The following NEDD4L variants were observed in gnomAD, a reference collection of about 807,000 sequenced individuals.
NEDD4L encodes the protein NEDD4 like E3 ubiquitin protein ligase.
A neutral mutation model predicts 148.9 loss-of-function variants in NEDD4L; 54 were observed. That is an observed-to-expected ratio of 0.36 (90% CI 0.29 to 0.45). The LOEUF is 0.45. NEDD4L is among the 20% of genes least tolerant of loss of function. The pLI, the probability that NEDD4L is intolerant of heterozygous loss-of-function variation, is 1.00. For synonymous variants in NEDD4L, 433 were observed against 440.7 expected (o/e 0.98, Z 0.22); for missense variants, 856 against 1,233.8 (o/e 0.69, Z 4.59).
At chr18:58,171,520 C>G (rs1048831702) in intron 2 of NEDD4L, among the ~76,000 whole-genome samples, 1 of 152,186 alleles carries the variant, frequency 6.6e-6, no homozygotes, top group Non-Finnish European at 1.5e-5. Flanking sequence ...CCTCCTCCTA[C>G]GGCCCCTTGT....
intron 2 of NEDD4L, among the ~76,000 whole-genome samples, chr18:58,198,295 G>C (rs1258435752): frequency 6.6e-6 from 1 of 152,194 alleles, no homozygotes; most frequent in Non-Finnish European, 1.5e-5. Flanking sequence ...CAGCCTATCA[G>C]ATTTCCCTTG....
chr18:58,334,111 G>GT, intron 12 of NEDD4L: 1 of 453,564 alleles, frequency 2.2e-6, no homozygotes, highest in Non-Finnish European at 3.9e-6. Context: ...CATTGCTTTA[G>GT]TTTTTCACCC....
chr18:58,357,344 G>T, intron 19 of NEDD4L, 92 bp downstream of exon 19: 2 of 1,106,898 alleles, frequency 1.8e-6, no homozygotes, highest in Non-Finnish European at 2.8e-6. Flanking sequence ...TGATGTCAAG[G>T]GACAACGGTG....
intron 5 of NEDD4L, among the ~76,000 whole-genome samples, chr18:58,309,521 G>A (rs2057431797): frequency 6.6e-6 from 1 of 152,116 alleles, no homozygotes. Context: ...GTGAGGATGT[G>A]CGGGGAGAGA....
intron 5 of NEDD4L, among the ~76,000 whole-genome samples, chr18:58,253,272 G>A (rs2148523643): frequency 6.6e-6 from 1 of 152,320 alleles, no homozygotes; most frequent in African/African-American, 2.4e-5. Flanking sequence ...CAGTGGAGGT[G>A]CCAGGGTCTG....
At chr18:58,386,671 G>A (rs2049067204) in intron 26 of NEDD4L, among the ~76,000 whole-genome samples, 2 of 152,144 alleles carry the variant, frequency 1.3e-5, no homozygotes, top group Admixed American at 1.3e-4. Flanking sequence ...GATCACACAG[G>A]AAACAGCCTC....
intron 3 of NEDD4L, among the ~76,000 whole-genome samples, chr18:58,246,395 A>G (rs1600190441): frequency 6.6e-6 from 1 of 152,246 alleles, no homozygotes; most frequent in Admixed American, 6.5e-5. Flanking sequence ...GTATGTATAT[A>G]TCTTATTTTC....
intron 1 of NEDD4L, among the ~76,000 whole-genome samples, chr18:58,102,613 A>G (rs2084824585): frequency 6.6e-6 from 1 of 152,226 alleles, no homozygotes. Flanking sequence ...GATATTCAGA[A>G]ATTTAGAAAA....
chr18:58,085,290 C>CAGG (rs140805569), intron 1 of NEDD4L, among the ~76,000 whole-genome samples: 3,255 of 152,206 alleles, frequency 0.021, 102 homozygotes, highest in African/African-American at 0.074. Flanking sequence ...TGTGACGCAG[C>CAGG]AGGTGTGCAC....
chr18:58,159,554 A>T (rs2035940468), intron 1 of NEDD4L, among the ~76,000 whole-genome samples: 1 of 152,150 alleles, frequency 6.6e-6, no homozygotes, highest in African/African-American at 2.4e-5. Flanking sequence ...CTCTAAAAAG[A>T]GTAGTCTTAA....
At chr18:58,289,380 A>C (rs1213531875) in intron 5 of NEDD4L, among the ~76,000 whole-genome samples, 5 of 152,216 alleles carry the variant, frequency 3.3e-5, no homozygotes, top group Non-Finnish European at 7.3e-5. Context: ...GCCTTGGAGT[A>C]TATGGCCTAT....
At chr18:58,352,699 TCACA>T (rs2044066566) in intron 18 of NEDD4L, among the ~76,000 whole-genome samples, 1 of 152,204 alleles carries the variant, frequency 6.6e-6, no homozygotes, top group Admixed American at 6.5e-5. Context: ...TTTTTATACA[TCACA>T]ATCACAGTTT....
chr18:58,289,795 T>A (rs770281372), intron 5 of NEDD4L, among the ~76,000 whole-genome samples: 8 of 152,208 alleles, frequency 5.3e-5, no homozygotes, highest in Non-Finnish European at 1.2e-4. Flanking sequence ...AGTTATAAAA[T>A]CCCTTGAAAT....
intron 5 of NEDD4L, among the ~76,000 whole-genome samples, chr18:58,308,486 T>G (rs1306795469): frequency 6.6e-6 from 1 of 152,254 alleles, no homozygotes; most frequent in Non-Finnish European, 1.5e-5. Context: ...AAGCTCTGGC[T>G]TCTTCCCTCC....
intron 2 of NEDD4L, among the ~76,000 whole-genome samples, chr18:58,173,042 A>G (rs928624070): frequency 3.3e-4 from 50 of 152,346 alleles, no homozygotes; most frequent in African/African-American, 1.1e-3. Flanking sequence ...TAGAATAGGT[A>G]TATTTTGCTA....
intron 10 of NEDD4L, among the ~76,000 whole-genome samples, chr18:58,329,658 ATTTT>A (rs1034872422): frequency 1.5e-5 from 2 of 135,570 alleles, no homozygotes; most frequent in Non-Finnish European, 3.2e-5. Flanking sequence ...ACAATGGCTA[ATTTT>A]TTTTTTTTTT....
intron 5 of NEDD4L, among the ~76,000 whole-genome samples, chr18:58,258,333 G>GACC (rs1455320177): frequency 3.3e-5 from 5 of 152,144 alleles, no homozygotes; most frequent in Non-Finnish European, 2.9e-5. Context: ...GCTGAACTTG[G>GACC]ACCACTTACC....
Position 58,276,695 on chromosome 18 carries a change from T to C in NEDD4L, c.297+24641T>C, listed in dbSNP as rs570011819. Among the ~76,000 whole-genome samples, 5 of 83,122 alleles carry C rather than the reference T, an allele frequency of 6.0e-5. No individual in the cohort carries two copies. The East Asian group carries it at 1.1e-3, about 18-fold the overall frequency. 54.5% of individuals were successfully genotyped at this position (83,122 alleles called of 152,430 possible). ...TGGTCAGCTATAATAATAATAATAA[T>C]ATTATTATTATTATTATTAATAAAA... On this transcript the variant is annotated intron_variant, in intron 5 of 30. Coordinates refer to ENST00000400345, the MANE Select transcript of NEDD4L (RefSeq NM_001144967.3).
intron 5 of NEDD4L, among the ~76,000 whole-genome samples, chr18:58,299,590 A>C (rs996739562): frequency 6.6e-6 from 1 of 152,192 alleles, no homozygotes; most frequent in Non-Finnish European, 1.5e-5. Flanking sequence ...GTTATCTTCT[A>C]TGGATGGGTA....
Sources: allele counts gnomAD v4.1 joint callset (sites outside exome capture counted in the v4.1 genomes callset), GRCh38; gene constraint gnomAD v4.1.1; transcripts MANE v1.5; gene names NCBI Gene and HGNC (gene_info 2026-07-23, HGNC 2026-07-21).